INSC: variants seen among roughly 807,000 people sequenced by gnomAD.
The protein encoded by INSC is protein inscuteable homolog.
INSC carries 67 observed loss-of-function variants against 58.6 expected under a neutral mutation model. The ratio of observed to expected loss-of-function variants is 1.14; its 90% CI spans 0.94 to 1.40. INSC has a LOEUF of 1.40. Ranked by LOEUF, INSC falls within the 40% of genes most tolerant of loss-of-function variation. The probability of loss-of-function intolerance (pLI) is 0.00; values close to 1 mark genes in which losing one functional copy is unlikely to be tolerated. For missense variants in INSC, 714 were observed against 692.0 expected (o/e 1.03, Z -0.36); for synonymous variants, 262 against 276.1 (o/e 0.95, Z 0.51).
intron 8 of INSC, among the ~76,000 whole-genome samples, chr11:15,223,568 G>T (rs1376798931): frequency 1.3e-5 from 2 of 152,192 alleles, no homozygotes; most frequent in African/African-American, 4.8e-5. Flanking sequence ...AAAATTAAAA[G>T]GCACTTAGGT....
At chr11:15,114,136 G>T (rs551634708), upstream of INSC, among the ~76,000 whole-genome samples, 1 of 151,200 alleles carries the variant, frequency 6.6e-6, no homozygotes, top group East Asian at 2.0e-4. Flanking sequence ...GGGAGGGGGA[G>T]TTGTATGAAA....
intron 9 of INSC, among the ~76,000 whole-genome samples, chr11:15,230,599 T>C (rs1314887601): frequency 6.6e-6 from 1 of 152,218 alleles, no homozygotes; most frequent in Non-Finnish European, 1.5e-5. Flanking sequence ...ATCAGGGATA[T>C]TGTGTAGTAT....
At chr11:15,169,205 A>T (rs893378494) in intron 2 of INSC, among the ~76,000 whole-genome samples, 3 of 149,920 alleles carry the variant, frequency 2.0e-5, no homozygotes, top group Non-Finnish European at 4.5e-5. Context: ...AGGGTTCCCG[A>T]TGTAGCTAGG....
rs139264501 is a variant in INSC, at chr11:15,163,637, T to C, written c.57-12104T>C. Among the ~76,000 whole-genome samples, 1,180 of 152,314 alleles carry C rather than the reference T, an allele frequency of 7.7e-3. 12 individuals are homozygous for C. The highest frequency in any genetic ancestry group is 0.027 in the African/African-American group (1,122 of 41,566). ...TGGAGTCTTGCTCTGTCGCCCAGGC[T>C]GAAGTGAGTGCAGTGGTGCGATCTT... On this transcript the variant is annotated intron_variant, in intron 2 of 12. Coordinates refer to ENST00000379556, the MANE Select transcript of INSC (RefSeq NM_001042536.3).
intron 12 of INSC, among the ~76,000 whole-genome samples, chr11:15,245,565 C>A (rs1054367705): frequency 6.6e-6 from 1 of 152,162 alleles, no homozygotes; most frequent in African/African-American, 2.4e-5. Flanking sequence ...CTTTCTATAG[C>A]ACCTTGCTGA....
the INSC span, among the ~76,000 whole-genome samples, chr11:15,261,617 A>C: frequency 6.6e-6 from 1 of 152,184 alleles, no homozygotes; most frequent in Non-Finnish European, 1.5e-5. Context: ...AAGATCTGAA[A>C]TGTAAACTTT....
chr11:15,262,527 T>C, the INSC span, among the ~76,000 whole-genome samples: 1 of 152,172 alleles, frequency 6.6e-6, no homozygotes, highest in Non-Finnish European at 1.5e-5. Context: ...AACCCAGTCA[T>C]CTGACCCAGA....
chr11:15,221,249 C>T (rs1021897891), intron 7 of INSC, among the ~76,000 whole-genome samples: 1 of 152,054 alleles, frequency 6.6e-6, no homozygotes, highest in Middle Eastern at 3.2e-3. Context: ...TGAAAGGTTA[C>T]TGATCTCTGC....
intron 6 of INSC, among the ~76,000 whole-genome samples, chr11:15,200,126 G>A (rs1009598017): frequency 6.6e-6 from 1 of 150,658 alleles, no homozygotes; most frequent in Non-Finnish European, 1.5e-5. Flanking sequence ...CTCAAGAGCT[G>A]CGATGATTGT....
At chr11:15,135,407 A>T (rs564147436) in intron 1 of INSC, among the ~76,000 whole-genome samples, 1 of 152,328 alleles carries the variant, frequency 6.6e-6, no homozygotes, top group East Asian at 1.9e-4. Context: ...AACATAAAGG[A>T]TTCTTTAACT....
intron 2 of INSC, among the ~76,000 whole-genome samples, chr11:15,170,590 T>A (rs1438007277): frequency 2.6e-5 from 4 of 152,192 alleles, no homozygotes. Flanking sequence ...CTTGGTGAGG[T>A]TAAACTTGAT....
In INSC at chr11:15,190,800, C is replaced by G. The variant is rs556785106; in HGVS notation, c.679C>G (p.Arg227Gly). ...SLTQEGAPLC[R>G]IIAKEGGVVA... is the part of the protein sequence containing the mutation. The stretch of plus-strand genomic sequence containing the variant: ...GACCCAGGAGGGGGCTCCCTTGTGC[C>G]GCATCATAGCCAAGGTGAGCTTCAT... Residue 227 changes from arginine (R) to glycine (G), a missense_variant, in exon 6 of 13, where the codon CGC becomes GGC. Physicochemically the swap from Arg to Gly is moderately radical, Grantham distance 125. Transcript: ENST00000379556. 1.9e-6 allele frequency: 3 copies of G among 1,612,134 alleles called. No individual in the cohort carries two copies. Among genetic ancestry groups the G allele is most frequent in the South Asian group, 1.1e-5 (1 of 91,036 alleles).
intron 1 of INSC, among the ~76,000 whole-genome samples, chr11:15,128,937 G>T (rs1445190100): frequency 6.6e-6 from 1 of 152,114 alleles, no homozygotes; most frequent in East Asian, 1.9e-4. Context: ...TTTTTTATCT[G>T]CTTGGTCCTG....
intron 9 of INSC, among the ~76,000 whole-genome samples, chr11:15,230,003 A>G (rs868452975): frequency 2.0e-4 from 5 of 25,504 alleles, no homozygotes; most frequent in African/African-American, 8.2e-4. Flanking sequence ...ATATATATAT[A>G]TATATATATA....
Position 15,149,199 on chromosome 11 carries a change from C to A in INSC, c.25C>A (p.His9Asn). MMALPGGR[H>N]LDSVTLPGQR... ...CATGATGGCACTGCCTGGAGGTCGC[C>A]ACCTGGACTCCGTCACCCTGCCGGG... Residue 9 changes from histidine (H) to asparagine (N), a missense_variant, in exon 2 of 13, where the codon CAC becomes AAC. Physicochemically the swap from His to Asn is moderately conservative, Grantham distance 68. Transcript: ENST00000379556. 1 of 1,609,916 alleles carries A rather than the reference C, an allele frequency of 6.2e-7. No individual in the cohort carries two copies. The highest frequency in any genetic ancestry group is 8.5e-7 in the Non-Finnish European group (1 of 1,178,304).
chr11:15,226,077 T>C (rs1450342968), intron 9 of INSC, among the ~76,000 whole-genome samples: 2 of 152,130 alleles, frequency 1.3e-5, no homozygotes, highest in African/African-American at 4.8e-5. Context: ...ATATTTTCTG[T>C]GTCTCTCATT....
chr11:15,231,358 C>A (rs1372430078), intron 9 of INSC, among the ~76,000 whole-genome samples: 8 of 152,146 alleles, frequency 5.3e-5, no homozygotes, highest in Non-Finnish European at 8.8e-5. Flanking sequence ...TCTTGGGCCA[C>A]ACATAAAATA....
the INSC span, among the ~76,000 whole-genome samples, chr11:15,263,794 G>C: frequency 6.6e-6 from 1 of 152,114 alleles, no homozygotes; most frequent in Non-Finnish European, 1.5e-5. Context: ...AAGCTCATAT[G>C]GTTGTTGGCA....
intron 1 of INSC, among the ~76,000 whole-genome samples, chr11:15,132,486 T>A (rs1459772011): frequency 6.6e-6 from 1 of 152,148 alleles, no homozygotes; most frequent in South Asian, 2.1e-4. Flanking sequence ...GAGCCTGCAC[T>A]ATGTTGCCCA....
Sources: gnomAD v4.1 joint callset for allele counts (sites outside exome capture counted in the v4.1 genomes callset) on GRCh38, gnomAD v4.1.1 for gene constraint, MANE v1.5 for transcripts, NCBI Gene and HGNC (gene_info 2026-07-23, HGNC 2026-07-21) for gene names.